Variants in MAMDC2 observed in about 807,000 individuals in gnomAD.
MAMDC2 encodes the protein MAM domain-containing protein 2.
A neutral mutation model predicts 89.8 loss-of-function variants in MAMDC2; 57 were observed. That is an observed-to-expected ratio of 0.63 (90% CI 0.51 to 0.79). The LOEUF (loss-of-function observed/expected upper bound fraction) is 0.79, where lower values mean the gene tolerates loss of function less well. Among genes scored for constraint, MAMDC2 ranks in the 30% least tolerant of loss-of-function variants. The pLI is 0.00. For synonymous variants in MAMDC2, 313 were observed against 293.4 expected (o/e 1.07, Z -0.68); for missense variants, 800 against 820.6 (o/e 0.97, Z 0.31).
chr9:70,140,191 T>C lies in MAMDC2; in HGVS notation c.1041T>C (p.Asp347=). The change falls in exon 8 of 14, where the codon GAT becomes GAC. Residue 347 remains aspartate (D), a synonymous_variant. Transcript: ENST00000377182. ...AAGCCAGCTGCAATTTTGAGCAAGA[T>C]CTCTGCAACTTTTACCAAGATAAAG... ...AVEASCNFEQ[D]LCNFYQDKEG... 2 of 1,596,022 alleles carry C rather than the reference T, an allele frequency of 1.3e-6. No homozygotes were observed. Among genetic ancestry groups the C allele is most frequent in the African/African-American group, 1.4e-5 (1 of 73,762 alleles).
chr9:70,211,074 C>T lies in MAMDC2; in HGVS notation c.1652-7263C>T, dbSNP rs185764790. On this transcript the variant is annotated intron_variant, in intron 11 of 13. Coordinates refer to ENST00000377182, the MANE Select transcript of MAMDC2 (RefSeq NM_153267.5). ...GCCCTTAACATTTTTCCTCCATTTCCACTTTGGTGAATCTGACAATTATGT... is the reference window on the plus strand; with the variant it reads ...GCCCTTAACATTTTTCCTCCATTTCTACTTTGGTGAATCTGACAATTATGT... Among the ~76,000 whole-genome samples the T allele has an allele frequency of 3.9e-4, 59 of 152,246 alleles. No individual in the cohort carries two copies. The East Asian group carries it at 9.1e-3, about 23-fold the overall frequency.
rs919369925 is a variant in MAMDC2 at position 70,077,786 on chromosome 9, C to G, written c.149-30425C>G. Among the ~76,000 whole-genome samples, 9 of 152,134 alleles carry G rather than the reference C, an allele frequency of 5.9e-5. No individual in the cohort carries two copies. In the South Asian group the frequency reaches 1.9e-3, roughly 32 times the overall value. On this transcript the variant is annotated intron_variant, in intron 2 of 13. Transcript: ENST00000377182. ...GACTTTCTTATTGGTTTTCATGAAC[C>G]AGAGATGTCAATGCCAAGCCTTTCT...
chr9:70,078,070 T>C (rs186360909), intron 2 of MAMDC2, among the ~76,000 whole-genome samples: 1 of 151,950 alleles, frequency 6.6e-6, no homozygotes, highest in East Asian at 1.9e-4. Flanking sequence ...TTCCTACTTA[T>C]AATTTTTATT....
chr9:70,201,670 A>T (rs1172702246), intron 11 of MAMDC2, among the ~76,000 whole-genome samples: 1 of 110,640 alleles, frequency 9.0e-6, no homozygotes, highest in East Asian at 2.7e-4. Flanking sequence ...TCGGCTGTGA[A>T]TCCATCTGGT....
At chr9:70,207,904 CTTGT>C (rs2033262245) in intron 11 of MAMDC2, among the ~76,000 whole-genome samples, 1 of 152,136 alleles carries the variant, frequency 6.6e-6, no homozygotes, top group African/African-American at 2.4e-5. Flanking sequence ...TTCCCCATTT[CTTGT>C]TTTTGTCAGG....
rs1202281528 is a variant in MAMDC2 at position 70,049,494 on chromosome 9, C to T, written c.148+4797C>T. On this transcript the variant is annotated intron_variant, in intron 2 of 13. Transcript: ENST00000377182. ...GAACCAGTCTTCTTCCTGCAGACTA[C>T]AGCTCCTTTCCTGATTTTGGAGGGC... Among the ~76,000 whole-genome samples the T allele has an allele frequency of 2.6e-5, 4 of 152,296 alleles. No homozygotes were observed. In the East Asian group the frequency reaches 7.7e-4, roughly 30 times the overall value.
intron 11 of MAMDC2, among the ~76,000 whole-genome samples, chr9:70,177,994 A>G (rs1172570970): frequency 6.6e-6 from 1 of 152,214 alleles, no homozygotes; most frequent in Non-Finnish European, 1.5e-5. Flanking sequence ...TAGTGTCTGT[A>G]TAACAATGTT....
intron 11 of MAMDC2, among the ~76,000 whole-genome samples, chr9:70,202,451 G>C (rs1255622492): frequency 6.6e-6 from 1 of 151,270 alleles, no homozygotes; most frequent in Non-Finnish European, 1.5e-5. Flanking sequence ...TTTTACATTT[G>C]CTGAGGAGAG....
intron 2 of MAMDC2, among the ~76,000 whole-genome samples, chr9:70,055,237 C>G (rs539987876): frequency 6.6e-6 from 1 of 152,244 alleles, no homozygotes; most frequent in Admixed American, 6.5e-5. Flanking sequence ...GGTCTGTGAT[C>G]TATAGGTAGC....
At chr9:70,212,250 C>A (rs2033369213) in intron 11 of MAMDC2, among the ~76,000 whole-genome samples, 2 of 152,248 alleles carry the variant, frequency 1.3e-5, no homozygotes. Context: ...GGCAGGCAGG[C>A]CTCCTTGAGC....
chr9:70,055,077 A>G (rs1163749067), intron 2 of MAMDC2, among the ~76,000 whole-genome samples: 1 of 152,064 alleles, frequency 6.6e-6, no homozygotes, highest in African/African-American at 2.4e-5. Flanking sequence ...ACACAAAAAC[A>G]AGTCTTTTAT....
chr9:70,150,562 G>GCTCT lies in MAMDC2; in HGVS notation c.1404+6746_1404+6749dup, dbSNP rs572950934. Among the ~76,000 whole-genome samples the GCTCT allele has an allele frequency of 2.2e-3, 328 of 152,306 alleles. 2 individuals carry two copies. Among genetic ancestry groups the GCTCT allele is most frequent in the African/African-American group, 7.6e-3 (316 of 41,562 alleles). On this transcript the variant is annotated intron_variant, in intron 9 of 13. Coordinates refer to ENST00000377182, the MANE Select transcript of MAMDC2 (RefSeq NM_153267.5). ...ACCTACTTTGTGCTGGGCAGCACATGCTCTCTTGTTCAGTCCTTAATACGC... is the reference window on the plus strand; with the variant it reads ...ACCTACTTTGTGCTGGGCAGCACATGCTCTCTCTCTTGTTCAGTCCTTAATACGC...
intron 7 of MAMDC2, among the ~76,000 whole-genome samples, chr9:70,133,403 C>T (rs1927113): frequency 0.063 from 9,635 of 152,266 alleles, 329 homozygotes; most frequent in African/African-American, 0.084. Flanking sequence ...TCCAGCAAAA[C>T]AAGGACCATG....
chr9:70,159,047 T>TACACACAC lies in MAMDC2; in HGVS notation c.1405-9630_1405-9623dup, dbSNP rs755304556. Among the ~76,000 whole-genome samples the TACACACAC allele has an allele frequency of 7.8e-3, 1,133 of 145,128 alleles. 14 individuals are homozygous for TACACACAC. The highest frequency in any genetic ancestry group is 0.06 in the East Asian group (298 of 4,946). On this transcript the variant is annotated intron_variant, in intron 9 of 13. Coordinates refer to ENST00000377182, the MANE Select transcript of MAMDC2 (RefSeq NM_153267.5). ...TAAACATATATGTGTGCATGCATAA[T>TACACACAC]ACACACACACACACACACACACACA...
chr9:70,190,733 C>T (rs765816994), intron 11 of MAMDC2, among the ~76,000 whole-genome samples: 6 of 152,072 alleles, frequency 3.9e-5, no homozygotes, highest in African/African-American at 1.4e-4. Flanking sequence ...CCACCTCAGG[C>T]AGCTGCAATG....
intron 11 of MAMDC2, among the ~76,000 whole-genome samples, chr9:70,189,019 TTG>T (rs1253751141): frequency 1.3e-5 from 2 of 152,172 alleles, no homozygotes; most frequent in East Asian, 1.9e-4. Flanking sequence ...TGGCACCTTT[TTG>T]TGTTATAAGC....
chr9:70,222,132 T>C (rs1428994107), intron 12 of MAMDC2, among the ~76,000 whole-genome samples: 3 of 152,136 alleles, frequency 2.0e-5, no homozygotes, highest in African/African-American at 7.2e-5. Flanking sequence ...GTATAGAATG[T>C]GGAGTCTGAG....
chr9:70,134,606 C>T (rs1223753354), intron 7 of MAMDC2, among the ~76,000 whole-genome samples: 1 of 152,196 alleles, frequency 6.6e-6, no homozygotes, highest in African/African-American at 2.4e-5. Context: ...GAACGCCTCT[C>T]AGAGAATCAC....
chr9:70,165,242 A>C (rs998040163), intron 9 of MAMDC2, among the ~76,000 whole-genome samples: 2 of 152,210 alleles, frequency 1.3e-5, no homozygotes, highest in Non-Finnish European at 2.9e-5. Context: ...TCCTGCCTCA[A>C]CCAGGCCCAC....
Sources: allele counts gnomAD v4.1 joint callset (sites outside exome capture counted in the v4.1 genomes callset), GRCh38; gene constraint gnomAD v4.1.1; transcripts MANE v1.5; gene names NCBI Gene and HGNC (gene_info 2026-07-23, HGNC 2026-07-21).